UBE2B: variants seen among roughly 807,000 people sequenced by gnomAD.
UBE2B encodes ubiquitin conjugating enzyme E2 B.
Under a neutral mutation model 24.6 loss-of-function variants are expected in UBE2B, and 11 were observed. That is an observed-to-expected ratio of 0.45 (90% CI 0.28 to 0.74). UBE2B has a LOEUF of 0.74. UBE2B is among the 30% of genes least tolerant of loss of function. The pLI is 0.13. For synonymous variants in UBE2B, 68 were observed against 62.4 expected (o/e 1.09, Z -0.42); for missense variants, 78 against 185.6 (o/e 0.42, Z 3.37).
chr5:134,385,544 T>C (rs1280554505), intron 4 of UBE2B: 1 of 152,194 alleles, frequency 6.6e-6, no homozygotes, highest in Non-Finnish European at 1.5e-5. Context: ...AGTCTCACAA[T>C]TGGGCAAATA....
chr5:134,387,070 C>T lies in UBE2B; in HGVS notation c.242-1255C>T, dbSNP rs35787482. On this transcript the variant is annotated intron_variant, in intron 4 of 5. Coordinates refer to ENST00000265339, the MANE Select transcript of UBE2B (RefSeq NM_003337.4). ...TGCCTCCTGGGTTCAAGCAATTCTT[C>T]TGCCTCAGCCTCCTGAGTAGCTGGG... 6.0e-3 allele frequency among the ~76,000 whole-genome samples: 912 copies of T among 151,508 alleles called. 7 individuals are homozygous for T. Among genetic ancestry groups the T allele is most frequent in the African/African-American group, 0.021 (847 of 41,252 alleles).
intron 4 of UBE2B, among the ~76,000 whole-genome samples, chr5:134,385,184 CAG>C (rs879812630): frequency 2.6e-5 from 4 of 152,144 alleles, no homozygotes; most frequent in Non-Finnish European, 5.9e-5. Context: ...ATGGGTTTTA[CAG>C]AGTTACTAAT....
At chr5:134,387,716 C>T (rs968064831) in intron 4 of UBE2B, among the ~76,000 whole-genome samples, 4 of 152,198 alleles carry the variant, frequency 2.6e-5, no homozygotes, top group African/African-American at 9.6e-5. Context: ...TACACTCCTG[C>T]CCTGAGCACT....
rs1475589902 is a variant in UBE2B, at chr5:134,375,818, A to AC, written c.126-851_126-850insC. Among the ~76,000 whole-genome samples, 49 of 147,752 alleles carry AC rather than the reference A, an allele frequency of 3.3e-4. 2 individuals are homozygous for AC. The highest frequency in any genetic ancestry group is 4.4e-4 in the Non-Finnish European group (29 of 66,256). On this transcript the variant is annotated intron_variant, in intron 2 of 5. Coordinates refer to ENST00000265339, the MANE Select transcript of UBE2B (RefSeq NM_003337.4). ...GTCTCAAAAAAAAAAAAAAAAAAAAAAAAAAAAACTTTATGCTGCTGCTTA... is the reference window on the plus strand; with the variant it reads ...GTCTCAAAAAAAAAAAAAAAAAAAAACAAAAAAAACTTTATGCTGCTGCTTA...
intron 3 of UBE2B, among the ~76,000 whole-genome samples, chr5:134,378,441 G>A (rs1345980410): frequency 2.0e-5 from 3 of 152,062 alleles, no homozygotes; most frequent in Non-Finnish European, 4.4e-5. Flanking sequence ...TGTATTTTTA[G>A]TAGAGATGGG....
At chr5:134,379,791 A>G (rs1338750198) in intron 3 of UBE2B, among the ~76,000 whole-genome samples, 1 of 152,186 alleles carries the variant, frequency 6.6e-6, no homozygotes, top group African/African-American at 2.4e-5. Flanking sequence ...GAATCCAGCT[A>G]TCTTCTGTTA....
At chr5:134,389,665 C>T (rs1417008307) in intron 5 of UBE2B, among the ~76,000 whole-genome samples, 1 of 151,894 alleles carries the variant, frequency 6.6e-6, no homozygotes, top group Non-Finnish European at 1.5e-5. Context: ...TCTCCTGCCT[C>T]AGCCTTCCGA....
At chr5:134,380,861 C>T (rs1758696366) in intron 4 of UBE2B, 53 bp downstream of exon 4, 2 of 1,271,860 alleles carry the variant, frequency 1.6e-6, no homozygotes, top group Admixed American at 1.9e-5. Flanking sequence ...AGAGTTGTTT[C>T]CCTCCTTTTA....
chr5:134,380,350 C>T (rs982347960), intron 3 of UBE2B, among the ~76,000 whole-genome samples: 7 of 152,198 alleles, frequency 4.6e-5, no homozygotes, highest in African/African-American at 1.7e-4. Flanking sequence ...GGGTCCTTTG[C>T]CATGTGGTAG....
intron 4 of UBE2B, among the ~76,000 whole-genome samples, chr5:134,383,447 C>A (rs1396147141): frequency 6.9e-6 from 1 of 145,604 alleles, no homozygotes; most frequent in African/African-American, 2.6e-5. Flanking sequence ...GTAGCTGGGA[C>A]TGCAGATGTG....
chr5:134,374,062 T>C (rs748298463), intron 1 of UBE2B, among the ~76,000 whole-genome samples: 17 of 152,232 alleles, frequency 1.1e-4, no homozygotes, highest in Non-Finnish European at 7.3e-5. Context: ...ATCGCCATAC[T>C]GTCTTCCACA....
chr5:134,385,448 C>T (rs190678595), intron 4 of UBE2B, among the ~76,000 whole-genome samples: 1 of 152,322 alleles, frequency 6.6e-6, no homozygotes, highest in Admixed American at 6.5e-5. Flanking sequence ...TTATGGTTTG[C>T]TCCATGAAAT....
chr5:134,377,619 G>C lies in UBE2B; in HGVS notation c.151+925G>C, dbSNP rs191068734. On this transcript the variant is annotated intron_variant, in intron 3 of 5. Coordinates refer to ENST00000265339, the MANE Select transcript of UBE2B (RefSeq NM_003337.4). Reference sequence around the variant, plus strand: ...TGTTACCAGTGATTATCTGTGGGGGGGGTAAGGAGTTGAAGGAGGTACTTA... The same window carrying C: ...TGTTACCAGTGATTATCTGTGGGGGCGGTAAGGAGTTGAAGGAGGTACTTA... Among the ~76,000 whole-genome samples, 33 of 152,204 alleles carry C rather than the reference G, an allele frequency of 2.2e-4. 1 individual carries two copies. The East Asian group carries it at 4.2e-3, about 20-fold the overall frequency.
Position 134,390,020 on chromosome 5 carries a change from G to A in UBE2B, c.331-205G>A, listed in dbSNP as rs1323422210. ...TAAGGCAATTGAGAACTTTATTTCAGAAGCTTAAGTTCCTTAGCAGCAGGA... is the reference window on the plus strand; with the variant it reads ...TAAGGCAATTGAGAACTTTATTTCAAAAGCTTAAGTTCCTTAGCAGCAGGA... On this transcript the variant is annotated intron_variant, in intron 5 of 5. Transcript: ENST00000265339. The surrounding 1 kb of genome is among the most constrained non-coding windows in gnomAD (Gnocchi z 4.6). 5.2e-5 allele frequency: 30 copies of A among 572,164 alleles called. 2 individuals are homozygous for A. Among genetic ancestry groups the A allele is most frequent in the Non-Finnish European group, 8.5e-5 (28 of 329,592 alleles). 35.4% of individuals were successfully genotyped at this position (572,164 alleles called of 1,614,324 possible).
intron 1 of UBE2B, among the ~76,000 whole-genome samples, chr5:134,372,517 C>T (rs1006338229): frequency 1.5e-4 from 23 of 152,168 alleles, no homozygotes; most frequent in African/African-American, 5.3e-4. Context: ...TGATACTCTG[C>T]ACATTTTTCT....
intron 3 of UBE2B, 80 bp downstream of exon 3, chr5:134,376,774 T>G: frequency 7.2e-7 from 1 of 1,383,230 alleles, no homozygotes; most frequent in Non-Finnish European, 1.0e-6. Context: ...CATATCTACT[T>G]GAAGCCATTT....
At chr5:134,379,615 C>T (rs1011406576) in intron 3 of UBE2B, among the ~76,000 whole-genome samples, 1 of 141,370 alleles carries the variant, frequency 7.1e-6, no homozygotes, top group East Asian at 2.0e-4. Context: ...CATTGCACTC[C>T]AGCCTGGGCA....
In UBE2B at chr5:134,376,662, T is replaced by C. The variant is rs1758615433; in HGVS notation, c.126-7T>C. 6.2e-7 allele frequency: 1 copy of C among 1,611,740 alleles called. No individual in the cohort carries two copies. Among genetic ancestry groups the C allele is most frequent in the Non-Finnish European group, 8.5e-7 (1 of 1,179,234 alleles). Reference sequence around the variant, plus strand: ...CTTCTTTTAATCAGAAATCTTCTTGTTTTCAGACCAGAAGGGACACCTTTT... The same window carrying C: ...CTTCTTTTAATCAGAAATCTTCTTGCTTTCAGACCAGAAGGGACACCTTTT... On this transcript the variant is annotated splice_polypyrimidine_tract_variant and splice_region_variant and intron_variant, in intron 2 of 5. Coordinates refer to ENST00000265339, the MANE Select transcript of UBE2B (RefSeq NM_003337.4).
intron 4 of UBE2B, among the ~76,000 whole-genome samples, chr5:134,382,643 G>T (rs1034828616): frequency 1.5e-4 from 23 of 151,836 alleles, no homozygotes; most frequent in African/African-American, 5.3e-4. Flanking sequence ...GCACAGTGGT[G>T]CGTACCTGTA....
Sources: gnomAD v4.1 joint callset for allele counts (sites outside exome capture counted in the v4.1 genomes callset) on GRCh38, gnomAD v4.1.1 for gene constraint, Gnocchi (gnomAD v3.1) non-coding constraint, MANE v1.5 for transcripts, NCBI Gene and HGNC (gene_info 2026-07-23, HGNC 2026-07-21) for gene names.